Variants in GCA observed in about 807,000 individuals in gnomAD.
GCA encodes the protein grancalcin.
In GCA, 30 loss-of-function variants were observed where a neutral mutation model predicts 32.6. That is an observed-to-expected ratio of 0.92 (90% CI 0.69 to 1.25). GCA has a LOEUF of 1.25. Among genes scored for constraint, GCA ranks in the 50% most tolerant of loss-of-function variants. The probability of loss-of-function intolerance (pLI) is 0.00; values close to 1 mark genes in which losing one functional copy is unlikely to be tolerated. For synonymous variants in GCA, 102 were observed against 84.6 expected, an observed-to-expected ratio of 1.21 and a Z score of -1.13; for missense variants, 291 against 266.8, an observed-to-expected ratio of 1.09 and a Z score of -0.63.
chr2:162,346,407 G>T (rs1313752282), intron 1 of GCA, among the ~76,000 whole-genome samples: 2 of 152,178 alleles, frequency 1.3e-5, no homozygotes, highest in African/African-American at 4.8e-5. Context: ...ATTAATGATG[G>T]TTACCAATTC....
At chr2:162,358,108 T>G (rs547660369) in intron 5 of GCA, among the ~76,000 whole-genome samples, 1 of 151,686 alleles carries the variant, frequency 6.6e-6, no homozygotes, top group South Asian at 2.1e-4. Flanking sequence ...TTATTTTGGT[T>G]GTTTTCACCT....
intron 5 of GCA, among the ~76,000 whole-genome samples, chr2:162,358,585 C>G (rs1195414419): frequency 6.6e-6 from 1 of 151,228 alleles, no homozygotes; most frequent in Non-Finnish European, 1.5e-5. Context: ...GTAGAGTAAT[C>G]ATGTTGATCC....
intron 1 of GCA, 68 bp from the exon 2 acceptor site, chr2:162,347,510 T>A: frequency 1.0e-6 from 1 of 1,000,576 alleles, no homozygotes; most frequent in South Asian, 2.3e-5. Flanking sequence ...ATAATTTCTT[T>A]TAATCCAACT....
upstream of GCA, among the ~76,000 whole-genome samples, chr2:162,342,807 A>T (rs1684494251): frequency 6.6e-6 from 1 of 152,236 alleles, no homozygotes; most frequent in Non-Finnish European, 1.5e-5. Context: ...AATCCGTTGG[A>T]ATAAAATTTT....
chr2:162,323,690 C>G (rs1218913157), intron 1 of GCA, among the ~76,000 whole-genome samples: 3 of 151,748 alleles, frequency 2.0e-5, no homozygotes, highest in Non-Finnish European at 4.4e-5. Flanking sequence ...GCTTGTTTTT[C>G]TCAGGTTTGT....
At chr2:162,371,448 A>G in exon 5 of GCA, 9 of 1,275,358 alleles carry the variant, frequency 7.1e-6, no homozygotes, top group Non-Finnish European at 7.1e-6. Context: ...ATCCATGAAC[A>G]GTTTTATCCC....
In GCA at chr2:162,359,106, ATTTTC is replaced by A; in HGVS notation, c.521_525del (p.Phe174Ter). The A allele has an allele frequency of 6.2e-7, 1 of 1,607,712 alleles. No homozygotes were observed. The highest frequency in any genetic ancestry group is 8.5e-7 in the Non-Finnish European group (1 of 1,175,462). ...TAAACGTTATAGCAAGAATGGCAGA[ATTTTC>A]TTTGATGATTATGTTGCTTGCTGTG... On this transcript the variant is annotated frameshift_variant, in exon 6 of 8. Coordinates refer to ENST00000437150, the MANE Select transcript of GCA (RefSeq NM_012198.5). LOFTEE classifies it high-confidence loss of function.
Position 162,347,571 on chromosome 2 carries a change from A to G in GCA, c.28-7A>G, listed in dbSNP as rs1684773959. 6.3e-7 allele frequency: 1 copy of G among 1,588,852 alleles called. No homozygotes were observed. On this transcript the variant is annotated splice_region_variant and splice_polypyrimidine_tract_variant and intron_variant, in intron 1 of 7. Coordinates refer to ENST00000437150, the MANE Select transcript of GCA (RefSeq NM_012198.5). The stretch of plus-strand genomic sequence containing the variant: ...ATTACTAACCTTCTCCCCTTTCACT[A>G]TTATAGTTTGGAAATTTTAGCATTC...
At chr2:162,371,740 C>T, downstream of GCA, 4 of 1,258,784 alleles carry the variant, frequency 3.2e-6, no homozygotes, top group Non-Finnish European at 3.3e-6. Context: ...TTGTGAGCCC[C>T]TGAGTCAAGT....
At chr2:162,341,267 TTATATATATATATATATA>T (rs3052040), upstream of GCA, among the ~76,000 whole-genome samples, 67 of 116,248 alleles carry the variant, frequency 5.8e-4, 1 homozygote, top group African/African-American at 2.0e-3. Context: ...CTTATTTATT[TTATATATATATATATATA>T]TATATATATA....
rs146219747 is a variant in GCA, at chr2:162,345,131, G to GGTGGTGGTGGTGGTGGTGGTT, written c.27+861_27+862insGGTGGTGGTGGTGGTTGTGGT. Among the ~76,000 whole-genome samples the GGTGGTGGTGGTGGTGGTGGTT allele has an allele frequency of 9.4e-4, 135 of 144,180 alleles. 1 individual carries two copies. The highest frequency in any genetic ancestry group is 1.4e-3 in the Non-Finnish European group (92 of 66,854). 94.6% of individuals were successfully genotyped at this position (144,180 alleles called of 152,430 possible). On this transcript the variant is annotated intron_variant, in intron 1 of 7. Coordinates refer to ENST00000437150, the MANE Select transcript of GCA (RefSeq NM_012198.5). The stretch of plus-strand genomic sequence containing the variant: ...TGGTGGTGGTGGTGGTGGTGGTGGT[G>GGTGGTGGTGGTGGTGGTGGTT]GTGGTTGTGGTTGTGGTTGTTGTTG...
At chr2:162,343,375 G>A (rs1227872761), upstream of GCA, among the ~76,000 whole-genome samples, 1 of 152,170 alleles carries the variant, frequency 6.6e-6, no homozygotes, top group Admixed American at 6.5e-5. Context: ...TTTGCCCAAA[G>A]GCTGAGTCAG....
intron 2 of GCA, 148 bp from the exon 3 acceptor site, chr2:162,352,190 A>T (rs1685034798): frequency 1.8e-6 from 1 of 567,148 alleles, no homozygotes; most frequent in South Asian, 2.4e-5. Context: ...CTTTGTTGTC[A>T]GTAATTATCT....
chr2:162,351,999 C>T (rs1488093181), intron 2 of GCA, among the ~76,000 whole-genome samples: 2 of 152,006 alleles, frequency 1.3e-5, no homozygotes, highest in African/African-American at 4.8e-5. Context: ...GGGATGTTTT[C>T]GAGACTTTTC....
chr2:162,345,131 G>GGTTGTGGTT (rs1553464762), intron 1 of GCA, among the ~76,000 whole-genome samples: 5 of 144,232 alleles, frequency 3.5e-5, no homozygotes, highest in East Asian at 2.0e-4. Context: ...TGGTGGTGGT[G>GGTTGTGGTT]GTGGTTGTGG....
In GCA at chr2:162,352,495, A is replaced by T. The variant is rs1685054065; in HGVS notation, c.262+88A>T. The T allele has an allele frequency of 7.3e-6, 6 of 821,864 alleles. No individual in the cohort carries two copies. In the South Asian group the frequency reaches 8.9e-5, roughly 12 times the overall value. The allele number at this position is 821,864 out of a possible 1,614,324, so 50.9% of individuals were successfully genotyped here. A position where few individuals can be genotyped will look rare whatever the true frequency, so the allele number is the denominator to read the frequency against. ...GTCCCTGTAATTAAAATGTTTAAAA[A>T]ATTATCACAGTTATACATGCACATA... is the stretch of plus-strand genomic sequence containing the variant. On this transcript the variant is annotated intron_variant, in intron 3 of 7. Transcript: ENST00000437150.
intron 1 of GCA, among the ~76,000 whole-genome samples, chr2:162,338,821 A>T (rs940022510): frequency 6.6e-6 from 1 of 152,222 alleles, no homozygotes; most frequent in African/African-American, 2.4e-5. Context: ...TTATCTACAT[A>T]TATATAATTT....
At chr2:162,332,719 G>A (rs1684141131) in intron 1 of GCA, among the ~76,000 whole-genome samples, 1 of 151,524 alleles carries the variant, frequency 6.6e-6, no homozygotes, top group African/African-American at 2.4e-5. Flanking sequence ...TTACCAAAAA[G>A]GAAGAGGGAA....
At position 162,363,118 on chromosome 2, in the gene GCA, C is replaced by T. The variant is rs1685645069; in HGVS notation, c.*2875C>T. 1.3e-5 allele frequency among the ~76,000 whole-genome samples: 2 copies of T among 151,248 alleles called. No individual in the cohort carries two copies. Among genetic ancestry groups the T allele is most frequent in the African/African-American group, 4.8e-5 (2 of 41,320 alleles). On this transcript the variant is annotated 3_prime_UTR_variant, in exon 8 of 8. Transcript: ENST00000437150. ...GACAAACAAAATAAATACTCTTTGT[C>T]GGAAATGTGCTCTTTGTCTTTTTAC...
Sources: gnomAD v4.1 joint callset for allele counts (sites outside exome capture counted in the v4.1 genomes callset) on GRCh38, gnomAD v4.1.1 for gene constraint, MANE v1.5 for transcripts, NCBI Gene and HGNC (gene_info 2026-07-23, HGNC 2026-07-21) for gene names.